CHRNA3: variants seen among roughly 807,000 people sequenced by gnomAD.
CHRNA3 encodes the protein cholinergic receptor nicotinic alpha 3 subunit.
CHRNA3 carries 34 observed loss-of-function variants against 41.9 expected under a neutral mutation model. The ratio of observed to expected loss-of-function variants is 0.81; its 90% CI spans 0.62 to 1.08. The LOEUF (loss-of-function observed/expected upper bound fraction) is 1.08. CHRNA3 is among the 50% of genes least tolerant of loss of function. The pLI, the probability that CHRNA3 is intolerant of heterozygous loss-of-function variation, is 0.00. For missense variants in CHRNA3, 542 were observed against 638.3 expected, an observed-to-expected ratio of 0.85 and a Z score of 1.63; for synonymous variants, 281 against 265.2, an observed-to-expected ratio of 1.06 and a Z score of -0.58.
In CHRNA3 at chr15:78,595,364, A is replaced by G. The variant is rs79200142; in HGVS notation, c.*1240T>C. The G allele has an allele frequency of 1.1e-3, 901 of 787,608 alleles. 13 individuals carry two copies. The African/African-American group carries it at 0.027, about 24-fold the overall frequency. 48.8% of individuals were successfully genotyped at this position (787,608 alleles called of 1,614,324 possible). A position where few individuals can be genotyped will look rare whatever the true frequency, so the allele number is the denominator to read the frequency against. On this transcript the variant is annotated 3_prime_UTR_variant, in exon 6 of 6. Transcript: ENST00000326828. ...GAAAAACTAGTGAGACAAGATTCAAACAGTCTCTGTGAATCATCTGTCAGT... is the reference window on the plus strand; with the variant it reads ...GAAAAACTAGTGAGACAAGATTCAAGCAGTCTCTGTGAATCATCTGTCAGT...
chr15:78,617,554 A>G (rs1338113523), intron 3 of CHRNA3, among the ~76,000 whole-genome samples: 1 of 152,184 alleles, frequency 6.6e-6, no homozygotes, highest in Non-Finnish European at 1.5e-5. Context: ...AGGTTAAGCA[A>G]GACTGGACTC....
At chr15:78,609,241 C>A (rs1437634533) in intron 4 of CHRNA3, among the ~76,000 whole-genome samples, 1 of 152,076 alleles carries the variant, frequency 6.6e-6, no homozygotes, top group Non-Finnish European at 1.5e-5. Flanking sequence ...CACAAAGATA[C>A]TCCTCGAGAA....
At chr15:78,609,684 C>A (rs139978901) in intron 4 of CHRNA3, among the ~76,000 whole-genome samples, 65,069 of 151,940 alleles carry the variant, frequency 0.43, 14,578 homozygotes, top group African/African-American at 0.54. Context: ...CGAGCAAAAT[C>A]ACCAGCTAAC....
intron 4 of CHRNA3, among the ~76,000 whole-genome samples, chr15:78,609,856 T>C (rs1317486989): frequency 6.6e-6 from 1 of 152,070 alleles, no homozygotes; most frequent in Non-Finnish European, 1.5e-5. Flanking sequence ...GAGACACACA[T>C]AGGCTCAAAA....
In CHRNA3 at chr15:78,617,071, AC is replaced by A; in HGVS notation, c.329del (p.Arg110LeufsTer38). ...PSDYGGAEFM[R>X]VPAQKIWKPD... Reference sequence around the variant, plus strand: ...GCTTCCAGATCTTCTGTGCAGGGACACGCATGAACTCTGCCCCACCATAGTC... The same window carrying A: ...GCTTCCAGATCTTCTGTGCAGGGACAGCATGAACTCTGCCCCACCATAGTC... On this transcript the variant is annotated frameshift_variant, in exon 4 of 6. Transcript: ENST00000326828. LOFTEE classifies it high-confidence loss of function. 1 of 1,613,938 alleles carries A rather than the reference AC, an allele frequency of 6.2e-7. No homozygotes were observed. The highest frequency in any genetic ancestry group is 8.5e-7 in the Non-Finnish European group (1 of 1,179,958).
At chr15:78,619,039 A>AG in intron 1 of CHRNA3, 124 bp from the exon 2 acceptor site, 1 of 1,160,246 alleles carries the variant, frequency 8.6e-7, no homozygotes, top group Non-Finnish European at 1.2e-6. Flanking sequence ...GTGGAACCCT[A>AG]GACTTTCAGG....
chr15:78,611,469 C>G (rs1283943143), intron 4 of CHRNA3, among the ~76,000 whole-genome samples: 1 of 151,530 alleles, frequency 6.6e-6, no homozygotes, highest in East Asian at 1.9e-4. Context: ...AAGACAAAAA[C>G]CACATGATTA....
intron 3 of CHRNA3, 49 bp downstream of exon 3, chr15:78,618,568 A>C: frequency 6.2e-7 from 1 of 1,610,426 alleles, no homozygotes; most frequent in Non-Finnish European, 8.5e-7. Context: ...TAAAGCAAAT[A>C]AAACAGTCAC....
In CHRNA3 at chr15:78,620,979, A is replaced by T; in HGVS notation, c.-185T>A. On this transcript the variant is annotated 5_prime_UTR_variant, in exon 1 of 6. Coordinates refer to ENST00000326828, the MANE Select transcript of CHRNA3 (RefSeq NM_000743.5). ...CCAGCGCCCTCGGACCCGCGGGAGG[A>T]CAGGAACCATCCGGAGTGAAGCTGC... 1.4e-6 allele frequency: 1 copy of T among 704,368 alleles called. No homozygotes were observed. The highest frequency in any genetic ancestry group is 1.9e-6 in the Non-Finnish European group (1 of 524,448). The allele number at this position is 704,368 out of a possible 1,614,324, so 43.6% of individuals were successfully genotyped here. A position where few individuals can be genotyped will look rare whatever the true frequency, so the allele number is the denominator to read the frequency against.
At chr15:78,613,902 T>G (rs2053423790) in intron 4 of CHRNA3, among the ~76,000 whole-genome samples, 1 of 151,140 alleles carries the variant, frequency 6.6e-6, no homozygotes, top group Admixed American at 6.6e-5. Context: ...GCCCAGATCA[T>G]GCCACTGCAC....
chr15:78,607,280 C>A (rs1331441234), intron 4 of CHRNA3, among the ~76,000 whole-genome samples: 1 of 151,712 alleles, frequency 6.6e-6, no homozygotes, highest in African/African-American at 2.4e-5. Context: ...TTACACCCAG[C>A]CAAGTTACCT....
intron 1 of CHRNA3, 117 bp downstream of exon 1, chr15:78,620,596 G>A: frequency 7.3e-7 from 1 of 1,369,060 alleles, no homozygotes; most frequent in South Asian, 1.6e-5. Context: ...CGAGTCCCCG[G>A]CGACGGCGCC....
chr15:78,596,532 G>A lies in CHRNA3; in HGVS notation c.*72C>T, dbSNP rs753401841. On this transcript the variant is annotated 3_prime_UTR_variant, in exon 6 of 6. Coordinates refer to ENST00000326828, the MANE Select transcript of CHRNA3 (RefSeq NM_000743.5). ...CTGGTAGCTTGATAACAGAAAGTAC[G>A]TTCTTACTAGGAAGCAGCCTCCTCC... 5.1e-6 allele frequency: 7 copies of A among 1,365,722 alleles called. No individual in the cohort carries two copies. Among genetic ancestry groups the A allele is most frequent in the Non-Finnish European group, 6.6e-6 (7 of 1,054,238 alleles). The allele number at this position is 1,365,722 out of a possible 1,614,324, so 84.6% of individuals were successfully genotyped here.
At position 78,602,153 on chromosome 15, in the gene CHRNA3, C is replaced by T. The variant is rs2053214434; in HGVS notation, c.489G>A (p.Val163=). The T allele has an allele frequency of 6.2e-7, 1 of 1,613,966 alleles. No individual in the cohort carries two copies. Among genetic ancestry groups the T allele is most frequent in the Non-Finnish European group, 8.5e-7 (1 of 1,180,026 alleles). ...TTTGGTAATCAAACGGGAAGTAGGT[C>T]ACGTCGATTTTACAGGAGCTCTTAA... is the stretch of plus-strand genomic sequence containing the variant. ...AIFKSSCKID[V]TYFPFDYQNC... is the part of the protein sequence containing the mutation. Residue 163 remains valine, a synonymous_variant, in exon 5 of 6, where the codon GTG becomes GTA. Coordinates refer to ENST00000326828, the MANE Select transcript of CHRNA3 (RefSeq NM_000743.5).
rs1261790908 is a variant in CHRNA3 at position 78,596,438 on chromosome 15, A to G, written c.*166T>C. 1 of 1,279,326 alleles carries G rather than the reference A, an allele frequency of 7.8e-7. No homozygotes were observed. The allele number at this position is 1,279,326 out of a possible 1,614,324, so 79.2% of individuals were successfully genotyped here. A position where few individuals can be genotyped will look rare whatever the true frequency, so the allele number is the denominator to read the frequency against. On this transcript the variant is annotated 3_prime_UTR_variant, in exon 6 of 6. Transcript: ENST00000326828. The stretch of plus-strand genomic sequence containing the variant: ...CATTTATCGGTAATAAATACTCTTG[A>G]CATTTTTTTTTTTGCATGATTCCAA...
chr15:78,596,892 C>T (rs1040799543), intron 5 of CHRNA3, among the ~76,000 whole-genome samples, 160 bp from the exon 6 acceptor site: 1 of 152,038 alleles, frequency 6.6e-6, no homozygotes, highest in African/African-American at 2.4e-5. Flanking sequence ...TGAGGAAATC[C>T]ACCATTCTCA....
rs202069344 is a variant in CHRNA3 at position 78,596,303 on chromosome 15, A to G, written c.*301T>C. On this transcript the variant is annotated 3_prime_UTR_variant, in exon 6 of 6. Transcript: ENST00000326828. ...CATTTTTCTATCCAGTTTTGTTTCA[A>G]CAACTAAAAGGAAACATTTTTACAT... is the stretch of plus-strand genomic sequence containing the variant. 2 of 1,015,334 alleles carry G rather than the reference A, an allele frequency of 2.0e-6. No individual in the cohort carries two copies. The highest frequency in any genetic ancestry group is 1.7e-5 in the African/African-American group (1 of 58,526). The allele number at this position is 1,015,334 out of a possible 1,614,324, so 62.9% of individuals were successfully genotyped here. A position where few individuals can be genotyped will look rare whatever the true frequency, so the allele number is the denominator to read the frequency against.
At chr15:78,598,977 G>A (rs1457576488) in intron 5 of CHRNA3, among the ~76,000 whole-genome samples, 1 of 151,336 alleles carries the variant, frequency 6.6e-6, no homozygotes, top group African/African-American at 2.4e-5. Flanking sequence ...AAGATTACAG[G>A]CTCATGCCAC....
intron 5 of CHRNA3, 117 bp downstream of exon 5, chr15:78,601,136 G>T (rs1355224998): frequency 1.3e-5 from 12 of 944,102 alleles, no homozygotes; most frequent in Non-Finnish European, 1.8e-5. Flanking sequence ...CTTAACACAG[G>T]CCACTGACTC....
Sources: allele counts gnomAD v4.1 joint callset (sites outside exome capture counted in the v4.1 genomes callset), GRCh38; gene constraint gnomAD v4.1.1; transcripts MANE v1.5; gene names NCBI Gene and HGNC (gene_info 2026-07-23, HGNC 2026-07-21).